Variants in CYP19A1 observed in about 807,000 individuals in gnomAD.
The protein encoded by CYP19A1 is aromatase.
CYP19A1 carries 32 observed loss-of-function variants against 44.4 expected under a neutral mutation model. The observed-to-expected ratio is 0.72, with a 90% CI of 0.54 to 0.97. The LOEUF (loss-of-function observed/expected upper bound fraction) is 0.97. Among genes scored for constraint, CYP19A1 ranks in the 50% least tolerant of loss-of-function variants. CYP19A1 has a pLI of 0.00. For missense variants in CYP19A1, 598 were observed against 637.8 expected (o/e 0.94, Z 0.67); for synonymous variants, 212 against 215.6 (o/e 0.98, Z 0.14).
intron 1 of CYP19A1, among the ~76,000 whole-genome samples, chr15:51,328,571 TG>T (rs1170257433): frequency 1.3e-5 from 2 of 152,004 alleles, no homozygotes; most frequent in Non-Finnish European, 2.9e-5. Context: ...TGTGTGTGTG[TG>T]TGTGTGTGTG....
At chr15:51,243,651 A>G (rs1279970010) in intron 1 of CYP19A1, among the ~76,000 whole-genome samples, 24 of 152,194 alleles carry the variant, frequency 1.6e-4, no homozygotes, top group Admixed American at 1.6e-3. Flanking sequence ...GAGGAAGAAT[A>G]AGGGAGAAGA....
chr15:51,338,148 A>T (rs1345193880), intron 1 of CYP19A1, among the ~76,000 whole-genome samples: 1 of 151,942 alleles, frequency 6.6e-6, no homozygotes, highest in Non-Finnish European at 1.5e-5. Flanking sequence ...CTGGGGTGGG[A>T]GGTGGGGAAA....
chr15:51,335,333 T>C (rs2036760044), intron 1 of CYP19A1, among the ~76,000 whole-genome samples: 2 of 152,324 alleles, frequency 1.3e-5, no homozygotes, highest in Admixed American at 6.5e-5. Flanking sequence ...AATCTGTTGT[T>C]ACCAGCCCGA....
rs148483238 is a variant in CYP19A1, at chr15:51,222,438, T to C, written c.539A>G (p.Asn180Ser). Residue 180 changes from asparagine (N) to serine (S), a missense_variant, in exon 5 of 10, where the codon AAT (asparagine) becomes AGT (serine). Physicochemically the swap from Asn to Ser is conservative, Grantham distance 46. Transcript: ENST00000396402. The stretch of plus-strand genomic sequence containing the variant: ...CAACACGTCCACATAGCCCGATTCA[T>C]TGGTCACCTCCTCCAACCTGTCCAG... ...THLDRLEEVT[N>S]ESGYVDVLTL... is the part of the protein sequence containing the mutation. 11 of 1,614,170 alleles carry C rather than the reference T, an allele frequency of 6.8e-6. No individual in the cohort carries two copies. The highest frequency in any genetic ancestry group is 1.7e-5 in the Admixed American group (1 of 60,022).
chr15:51,293,229 C>G (rs533010763), intron 1 of CYP19A1, among the ~76,000 whole-genome samples: 1 of 152,124 alleles, frequency 6.6e-6, no homozygotes, highest in South Asian at 2.1e-4. Context: ...TTCATGTAAC[C>G]AAACACCACC....
At chr15:51,326,570 T>TA (rs1380323107) in intron 1 of CYP19A1, among the ~76,000 whole-genome samples, 1 of 152,152 alleles carries the variant, frequency 6.6e-6, no homozygotes. Flanking sequence ...GCTAAGTACC[T>TA]AAAGAAAAGA....
rs571637053 is a variant in CYP19A1 at position 51,295,807 on chromosome 15, G to C, written c.-39+42688C>G. 2.7e-4 allele frequency among the ~76,000 whole-genome samples: 41 copies of C among 152,278 alleles called. 1 individual carries two copies. The South Asian group carries it at 8.5e-3, about 32-fold the overall frequency. On this transcript the variant is annotated intron_variant, in intron 1 of 9. Transcript: ENST00000396402. ...TGGATGGCTTCGGGGAGCCAGCCAA[G>C]CCCTTCCGTTAGGAAGTCCTGGCAG...
intron 1 of CYP19A1, among the ~76,000 whole-genome samples, chr15:51,338,215 T>C (rs2036808348): frequency 6.6e-6 from 1 of 152,202 alleles, no homozygotes; most frequent in South Asian, 2.1e-4. Flanking sequence ...AGCCAGCCTT[T>C]CAAGGAAAGT....
At chr15:51,263,985 G>C (rs374140192) in intron 1 of CYP19A1, among the ~76,000 whole-genome samples, 2 of 152,328 alleles carry the variant, frequency 1.3e-5, no homozygotes, top group South Asian at 4.1e-4. Flanking sequence ...GGGAACAACT[G>C]AGAGGTCAAC....
At chr15:51,214,366 G>A (rs1393479199) in intron 8 of CYP19A1, among the ~76,000 whole-genome samples, 2 of 152,188 alleles carry the variant, frequency 1.3e-5, no homozygotes, top group Admixed American at 6.5e-5. Flanking sequence ...GGTAGAGTTG[G>A]AGAAGACCTG....
intron 1 of CYP19A1, among the ~76,000 whole-genome samples, chr15:51,329,498 T>C (rs1013400636): frequency 6.6e-6 from 1 of 151,840 alleles, no homozygotes; most frequent in Non-Finnish European, 1.5e-5. Flanking sequence ...AGAGGTATAA[T>C]GGGAAGGCCA....
intron 1 of CYP19A1, among the ~76,000 whole-genome samples, chr15:51,299,269 G>A (rs749924909): frequency 3.0e-4 from 46 of 152,238 alleles, no homozygotes; most frequent in Admixed American, 8.5e-4. Context: ...CAAGACAAAG[G>A]CGATTCATTC....
chr15:51,299,466 T>C (rs979135616), intron 1 of CYP19A1, among the ~76,000 whole-genome samples: 1 of 152,228 alleles, frequency 6.6e-6, no homozygotes, highest in African/African-American at 2.4e-5. Flanking sequence ...CAGCTCTTAG[T>C]GGCTCTTAGA....
chr15:51,299,306 T>C (rs969626052), intron 1 of CYP19A1, among the ~76,000 whole-genome samples: 1 of 152,232 alleles, frequency 6.6e-6, no homozygotes, highest in Non-Finnish European at 1.5e-5. Context: ...AGCTGACAGA[T>C]GTTTTGGCCT....
At chr15:51,281,855 A>ATACAT (rs1426680177) in intron 1 of CYP19A1, among the ~76,000 whole-genome samples, 1 of 152,210 alleles carries the variant, frequency 6.6e-6, no homozygotes, top group African/African-American at 2.4e-5. Flanking sequence ...CCAATGACAT[A>ATACAT]TACATTTTCC....
At chr15:51,322,881 G>T (rs2036549533) in intron 1 of CYP19A1, among the ~76,000 whole-genome samples, 1 of 152,226 alleles carries the variant, frequency 6.6e-6, no homozygotes, top group Admixed American at 6.5e-5. Flanking sequence ...AAACAATGCA[G>T]TTGCTAGAAT....
Position 51,215,778 on chromosome 15 carries a change from T to A in CYP19A1, c.783A>T (p.Glu261Asp), listed in dbSNP as rs11540804. The A allele has an allele frequency of 1.2e-6, 2 of 1,613,914 alleles. No homozygotes were observed. The highest frequency in any genetic ancestry group is 1.7e-6 in the Non-Finnish European group (2 of 1,179,984). The change falls in exon 7 of 10, where the codon GAA becomes GAT. Residue 261 changes from glutamate (E) to aspartate (D), a missense_variant. Glu to Asp is a conservative substitution (Grantham distance 45, BLOSUM62 2). Transcript: ENST00000396402. ...CTTCTGTGGAAATCCTGCGTCTTTT[T>A]TCTGCTATCAGAACTTCTATGGCAT... ...LKDAIEVLIAEKRRRISTEEK... is the reference protein window; with the variant it reads ...LKDAIEVLIADKRRRISTEEK...
At chr15:51,295,136 GTTT>G (rs71426072) in intron 1 of CYP19A1, among the ~76,000 whole-genome samples, 15,474 of 131,304 alleles carry the variant, frequency 0.12, 1,019 homozygotes, top group African/African-American at 0.19. Context: ...TTAACAACGT[GTTT>G]TTTTTTTTTT....
chr15:51,337,349 G>A (rs540629412), intron 1 of CYP19A1, among the ~76,000 whole-genome samples: 21 of 152,334 alleles, frequency 1.4e-4, no homozygotes, highest in African/African-American at 4.3e-4. Flanking sequence ...GTCTCAGCCA[G>A]TTCATATGGC....
Sources: allele counts gnomAD v4.1 joint callset (sites outside exome capture counted in the v4.1 genomes callset), GRCh38; gene constraint gnomAD v4.1.1; transcripts MANE v1.5; gene names NCBI Gene and HGNC (gene_info 2026-07-23, HGNC 2026-07-21).